Variants in DCC observed in about 807,000 individuals in gnomAD.
DCC encodes the protein DCC netrin 1 receptor.
A neutral mutation model predicts 172.5 loss-of-function variants in DCC; 58 were observed. The ratio of observed to expected loss-of-function variants is 0.34; its 90% CI spans 0.27 to 0.42. The LOEUF (loss-of-function observed/expected upper bound fraction) is 0.42, where lower values mean the gene tolerates loss of function less well. Ranked by LOEUF, DCC falls within the 10% of genes least tolerant of loss-of-function variation. The pLI is 1.00. For synonymous variants in DCC, 709 were observed against 644.5 expected, an observed-to-expected ratio of 1.10 and a Z score of -1.52; for missense variants, 1,740 against 1,791.0, an observed-to-expected ratio of 0.97 and a Z score of 0.51.
chr18:52,904,812 A>G (rs1186630500), intron 2 of DCC, among the ~76,000 whole-genome samples: 1 of 152,240 alleles, frequency 6.6e-6, no homozygotes, highest in Non-Finnish European at 1.5e-5. Context: ...GGAATGAGTC[A>G]AATGAAAATA....
At chr18:52,374,076 T>A (rs1184420448) in intron 1 of DCC, among the ~76,000 whole-genome samples, 1 of 151,818 alleles carries the variant, frequency 6.6e-6, no homozygotes, top group East Asian at 1.9e-4. Context: ...GTGTTTTTAG[T>A]AAAGACGGGG....
intron 2 of DCC, among the ~76,000 whole-genome samples, chr18:52,879,412 C>CCTTTTTTTTTTTTT (rs2039447955): frequency 3.2e-5 from 2 of 62,356 alleles, no homozygotes; most frequent in African/African-American, 1.4e-4. Context: ...TGTTGTTTGG[C>CCTTTTTTTTTTTTT]TTTTTTTTTT....
At chr18:53,387,846 T>C (rs1426589881) in intron 16 of DCC, among the ~76,000 whole-genome samples, 1 of 152,202 alleles carries the variant, frequency 6.6e-6, no homozygotes, top group Non-Finnish European at 1.5e-5. Flanking sequence ...CAAGCTCTTA[T>C]TCTCTTACCA....
intron 7 of DCC, among the ~76,000 whole-genome samples, chr18:53,111,964 G>A (rs977119818): frequency 1.4e-4 from 21 of 151,672 alleles, no homozygotes; most frequent in Middle Eastern, 3.4e-3. Flanking sequence ...GAAAAAAAGA[G>A]AAGAAAACAC....
At chr18:52,689,881 A>C (rs919678522) in intron 1 of DCC, among the ~76,000 whole-genome samples, 2 of 152,146 alleles carry the variant, frequency 1.3e-5, no homozygotes, top group African/African-American at 4.8e-5. Flanking sequence ...AGACTCACAT[A>C]AATGCTAGTG....
At chr18:53,451,884 G>A (rs1390964166) in intron 23 of DCC, among the ~76,000 whole-genome samples, 2 of 149,594 alleles carry the variant, frequency 1.3e-5, no homozygotes, top group Non-Finnish European at 3.0e-5. Context: ...GGGTGTAGAT[G>A]CAGGCTTTGT....
chr18:52,600,403 T>G lies in DCC; in HGVS notation c.92-151651T>G, dbSNP rs1018541142. On this transcript the variant is annotated intron_variant, in intron 1 of 28. Coordinates refer to ENST00000442544, the MANE Select transcript of DCC (RefSeq NM_005215.4). ...GCTAGTACCATGCTGTCTATATTATTGTAGCTTTATTATAAATCTTGATAT... is the reference window on the plus strand; with the variant it reads ...GCTAGTACCATGCTGTCTATATTATGGTAGCTTTATTATAAATCTTGATAT... 1.1e-4 allele frequency among the ~76,000 whole-genome samples: 16 copies of G among 152,316 alleles called. No homozygotes were observed. The East Asian group carries it at 3.1e-3, about 29-fold the overall frequency.
At chr18:52,602,913 A>G (rs1413653400) in intron 1 of DCC, among the ~76,000 whole-genome samples, 1 of 152,122 alleles carries the variant, frequency 6.6e-6, no homozygotes, top group Non-Finnish European at 1.5e-5. Flanking sequence ...AGAGTTGGAA[A>G]TACTGCTGCC....
At chr18:52,695,581 T>A (rs560381787) in intron 1 of DCC, among the ~76,000 whole-genome samples, 1 of 152,338 alleles carries the variant, frequency 6.6e-6, no homozygotes, top group African/African-American at 2.4e-5. Context: ...AACATTCAAG[T>A]CACTGGGAGT....
intron 1 of DCC, among the ~76,000 whole-genome samples, chr18:52,584,331 A>T (rs1416205276): frequency 6.6e-6 from 1 of 152,198 alleles, no homozygotes; most frequent in African/African-American, 2.4e-5. Flanking sequence ...CATTGGACGA[A>T]TGTTTAGATA....
chr18:52,921,726 T>TAATA (rs969595344), intron 3 of DCC, among the ~76,000 whole-genome samples: 7 of 103,830 alleles, frequency 6.7e-5, no homozygotes, highest in Admixed American at 1.8e-4. Context: ...ATAATAATAA[T>TAATA]ATATATAAAT....
chr18:53,029,037 CA>C (rs1449627761), intron 5 of DCC, among the ~76,000 whole-genome samples: 1 of 148,806 alleles, frequency 6.7e-6, no homozygotes, highest in Non-Finnish European at 1.5e-5. Flanking sequence ...TAAAAATTAC[CA>C]AAATGTGGAT....
chr18:53,053,398 C>A (rs1305059688), intron 5 of DCC, among the ~76,000 whole-genome samples: 1 of 151,972 alleles, frequency 6.6e-6, no homozygotes, highest in Non-Finnish European at 1.5e-5. Context: ...TCTTTTCATT[C>A]TTTGACTGCT....
intron 12 of DCC, among the ~76,000 whole-genome samples, chr18:53,251,259 C>T (rs1290529209): frequency 6.6e-6 from 1 of 152,046 alleles, no homozygotes; most frequent in East Asian, 1.9e-4. Context: ...TACAAACAGC[C>T]TCATCTTATC....
intron 2 of DCC, among the ~76,000 whole-genome samples, chr18:52,784,206 A>G (rs1417473663): frequency 6.6e-6 from 1 of 151,632 alleles, no homozygotes; most frequent in Non-Finnish European, 1.5e-5. Context: ...GCCTTATTTG[A>G]CTTAACATAG....
chr18:52,519,460 CTG>C (rs1438851256), intron 1 of DCC, among the ~76,000 whole-genome samples: 7 of 152,128 alleles, frequency 4.6e-5, no homozygotes, highest in Non-Finnish European at 1.0e-4. Context: ...GAAAAGATAA[CTG>C]TGTTTTGAAA....
At chr18:53,274,144 T>A (rs1328099469) in intron 12 of DCC, among the ~76,000 whole-genome samples, 1 of 152,162 alleles carries the variant, frequency 6.6e-6, no homozygotes, top group African/African-American at 2.4e-5. Flanking sequence ...TTATTTACTT[T>A]TTCAATAAAT....
At chr18:52,434,577 C>A (rs1361656156) in intron 1 of DCC, among the ~76,000 whole-genome samples, 1 of 151,830 alleles carries the variant, frequency 6.6e-6, no homozygotes, top group African/African-American at 2.4e-5. Flanking sequence ...TAAATTTGTT[C>A]TCCATTTCAC....
At chr18:52,707,490 A>T (rs2036229061) in intron 1 of DCC, among the ~76,000 whole-genome samples, 1 of 152,194 alleles carries the variant, frequency 6.6e-6, no homozygotes, top group South Asian at 2.1e-4. Context: ...ATGATCCAAC[A>T]ATCTCACTAC....
Sources: allele counts gnomAD v4.1 joint callset (sites outside exome capture counted in the v4.1 genomes callset), GRCh38; gene constraint gnomAD v4.1.1; transcripts MANE v1.5; gene names NCBI Gene and HGNC (gene_info 2026-07-23, HGNC 2026-07-21).